Variants in ATRN observed in about 807,000 individuals in gnomAD.
ATRN encodes attractin.
ATRN carries 54 observed loss-of-function variants against 178.7 expected under a neutral mutation model. The observed-to-expected ratio is 0.30, with a 90% confidence interval of 0.24 to 0.38. The LOEUF is 0.38. Among genes scored for constraint, ATRN ranks in the 10% least tolerant of loss-of-function variants. The pLI, the probability that ATRN is intolerant of heterozygous loss-of-function variation, is 1.00. For missense variants in ATRN, 1,443 were observed against 1,815.1 expected, an observed-to-expected ratio of 0.79 and a Z score of 3.73; for synonymous variants, 636 against 663.0, an observed-to-expected ratio of 0.96 and a Z score of 0.63.
At chr20:3,590,435 C>G (rs1429084520) in intron 18 of ATRN, among the ~76,000 whole-genome samples, 1 of 152,130 alleles carries the variant, frequency 6.6e-6, no homozygotes, top group Non-Finnish European at 1.5e-5. Context: ...CCTATTCCCC[C>G]CTAGAGTTCT....
chr20:3,616,044 TAA>T (rs5840003), intron 24 of ATRN: 729 of 148,752 alleles, frequency 4.9e-3, no homozygotes, highest in South Asian at 0.024. Flanking sequence ...AAAGTATAAT[TAA>T]AAAAAAAAAA....
At chr20:3,563,461 T>G in intron 10 of ATRN, 98 bp downstream of exon 10, 3 of 1,276,812 alleles carry the variant, frequency 2.3e-6, no homozygotes, top group Non-Finnish European at 3.2e-6. Context: ...TTCAAAATGA[T>G]CAGGCCATTT....
chr20:3,607,636 A>G (rs563468225), intron 24 of ATRN, among the ~76,000 whole-genome samples: 1 of 152,220 alleles, frequency 6.6e-6, no homozygotes, highest in Non-Finnish European at 1.5e-5. Flanking sequence ...ATGGACACGT[A>G]GGTTGATTCC....
At chr20:3,532,638 G>A (rs2085469592) in intron 1 of ATRN, among the ~76,000 whole-genome samples, 1 of 152,110 alleles carries the variant, frequency 6.6e-6, no homozygotes. Context: ...AGGTGTTATT[G>A]GAAGGAAAAG....
At chr20:3,594,454 C>G in intron 19 of ATRN, 25 bp from the exon 20 acceptor site, 1 of 1,573,808 alleles carries the variant, frequency 6.4e-7, no homozygotes, top group Non-Finnish European at 8.7e-7. Flanking sequence ...CAGTTGTGAC[C>G]TCTGTTCCTT....
chr20:3,621,489 A>T (rs1417147846), intron 24 of ATRN, among the ~76,000 whole-genome samples: 2 of 152,220 alleles, frequency 1.3e-5, no homozygotes, highest in Admixed American at 1.3e-4. Context: ...ATATTGATGA[A>T]AGTGGAGTTG....
chr20:3,573,758 T>TTTTATTTA (rs34471940), intron 12 of ATRN, among the ~76,000 whole-genome samples: 1 of 149,586 alleles, frequency 6.7e-6, no homozygotes. Flanking sequence ...TTTTATTTTA[T>TTTTATTTA]TTTATTTATT....
At chr20:3,572,329 A>G (rs370890087) in intron 11 of ATRN, among the ~76,000 whole-genome samples, 1 of 152,246 alleles carries the variant, frequency 6.6e-6, no homozygotes, top group Non-Finnish European at 1.5e-5. Context: ...TCAGCAGGCT[A>G]TCATGAGAAC....
chr20:3,623,211 C>T (rs1442633898), intron 24 of ATRN, among the ~76,000 whole-genome samples: 1 of 152,100 alleles, frequency 6.6e-6, no homozygotes, highest in African/African-American at 2.4e-5. Context: ...ATGTGAGGAC[C>T]ATGGCTCATA....
chr20:3,578,830 T>C (rs1311406285), intron 15 of ATRN, 58 bp downstream of exon 15: 4 of 1,498,786 alleles, frequency 2.7e-6, no homozygotes, highest in East Asian at 2.3e-5. Flanking sequence ...ACCAAGGGCA[T>C]GACTGCAGCT....
chr20:3,558,552 A>G (rs1358589127), intron 6 of ATRN, among the ~76,000 whole-genome samples: 2 of 151,154 alleles, frequency 1.3e-5, no homozygotes, highest in South Asian at 2.1e-4. Flanking sequence ...TTTTTTTTCT[A>G]TTTTATGAAA....
intron 1 of ATRN, chr20:3,490,763 AT>A (rs1433791181): frequency 2.5e-6 from 2 of 790,974 alleles, no homozygotes; most frequent in Admixed American, 1.7e-5. Flanking sequence ...CGAGTCTATT[AT>A]AGAATTCAGC....
At position 3,545,823 on chromosome 20, in the gene ATRN, G is replaced by C. The variant is rs1216254059; in HGVS notation, c.670G>C (p.Gly224Arg). ...ETVPEVVATSGYALLHFFSDA... is the reference protein window; with the variant it reads ...ETVPEVVATSRYALLHFFSDA... ...TGTCCCTGAGGTTGTTGCCACATCA[G>C]GTTATGCCTTGCTGCATTTTTTTAG... Residue 224 changes from glycine (G) to arginine (R), a missense_variant, in exon 4 of 29, where the codon GGT becomes CGT. Gly to Arg is a moderately radical substitution (Grantham distance 125). Coordinates refer to ENST00000262919, the MANE Select transcript of ATRN (RefSeq NM_139321.3). The C allele has an allele frequency of 1.2e-6, 2 of 1,613,960 alleles. No homozygotes were observed. Among genetic ancestry groups the C allele is most frequent in the East Asian group, 2.2e-5 (1 of 44,884 alleles).
chr20:3,568,630 G>A (rs1198789179), intron 11 of ATRN, among the ~76,000 whole-genome samples: 1 of 152,182 alleles, frequency 6.6e-6, no homozygotes, highest in African/African-American at 2.4e-5. Flanking sequence ...ACAGGGTTAT[G>A]TTTCTATAAA....
intron 1 of ATRN, among the ~76,000 whole-genome samples, chr20:3,476,219 T>G (rs117516672): frequency 0.039 from 5,926 of 152,298 alleles, 157 homozygotes; most frequent in Non-Finnish European, 0.057. Flanking sequence ...TTTTAGTCCT[T>G]AGAGTGAAGT....
chr20:3,623,459 A>G (rs1436051327), intron 24 of ATRN, among the ~76,000 whole-genome samples: 1 of 152,222 alleles, frequency 6.6e-6, no homozygotes, highest in African/African-American at 2.4e-5. Flanking sequence ...AAATAGGGCC[A>G]TCAAAAAAGC....
chr20:3,565,331 A>G lies in ATRN; in HGVS notation c.1787-17A>G. On this transcript the variant is annotated splice_polypyrimidine_tract_variant and intron_variant, in intron 10 of 28. Transcript: ENST00000262919. Reference sequence around the variant, plus strand: ...GAAATGGTAGTCCGTTTAAAAATATATTTTTCTTTCTCCTAGCCTGTGACC... The same window carrying G: ...GAAATGGTAGTCCGTTTAAAAATATGTTTTTCTTTCTCCTAGCCTGTGACC... The G allele has an allele frequency of 6.2e-7, 1 of 1,602,298 alleles. No individual in the cohort carries two copies. Among genetic ancestry groups the G allele is most frequent in the Non-Finnish European group, 8.5e-7 (1 of 1,171,874 alleles).
chr20:3,537,889 ATT>A, intron 2 of ATRN, among the ~76,000 whole-genome samples: 1 of 143,306 alleles, frequency 7.0e-6, no homozygotes, highest in Non-Finnish European at 1.6e-5. Flanking sequence ...TATGTGCCTC[ATT>A]TTCTTTATTT....
intron 2 of ATRN, among the ~76,000 whole-genome samples, chr20:3,535,648 T>C (rs1352233748): frequency 2.0e-5 from 3 of 151,612 alleles, no homozygotes; most frequent in Non-Finnish European, 4.4e-5. Flanking sequence ...TTTATTTTTA[T>C]GGGACAGAGT....
Sources: allele counts gnomAD v4.1 joint callset (sites outside exome capture counted in the v4.1 genomes callset), GRCh38; gene constraint gnomAD v4.1.1; transcripts MANE v1.5; gene names NCBI Gene and HGNC (gene_info 2026-07-23, HGNC 2026-07-21).